AAMDC: variants seen among roughly 807,000 people sequenced by gnomAD.
The protein encoded by AAMDC is adipogenesis associated Mth938 domain containing, also known as mth938 domain-containing protein.
In AAMDC, 16 loss-of-function variants were observed where a neutral mutation model predicts 15.5. The observed-to-expected ratio is 1.03, with a 90% CI of 0.70 to 1.57. The LOEUF (loss-of-function observed/expected upper bound fraction) is 1.57. Among genes scored for constraint, AAMDC ranks in the 40% most tolerant of loss-of-function variants. AAMDC has a pLI of 0.00. For missense variants in AAMDC, 141 were observed against 144.9 expected (o/e 0.97, Z 0.14); for synonymous variants, 51 against 51.6 (o/e 0.99, Z 0.05).
chr11:77,884,860 T>C, intron 5 of AAMDC: 1 of 343,556 alleles, frequency 2.9e-6, no homozygotes, highest in Non-Finnish European at 6.2e-6. Context: ...GCGCAAGTGA[T>C]CTTCCTGCCT....
downstream of AAMDC, among the ~76,000 whole-genome samples, chr11:77,873,887 G>A (rs1951524431): frequency 6.6e-6 from 1 of 152,178 alleles, no homozygotes; most frequent in East Asian, 1.9e-4. Context: ...AAATAAAATC[G>A]CTCCACCCCA....
intron 5 of AAMDC, among the ~76,000 whole-genome samples, chr11:77,886,312 T>C (rs1025613166): frequency 2.0e-5 from 3 of 152,196 alleles, no homozygotes; most frequent in Non-Finnish European, 4.4e-5. Flanking sequence ...ATTTGTCTAC[T>C]CCAAAAGTGG....
chr11:77,898,058 C>T (rs544707330), intron 5 of AAMDC, among the ~76,000 whole-genome samples: 2 of 152,296 alleles, frequency 1.3e-5, no homozygotes, highest in African/African-American at 4.8e-5. Context: ...CTCAAGCGAT[C>T]CTCCTGCTTT....
At chr11:77,900,911 T>C (rs1383574055), downstream of AAMDC, 2 of 417,436 alleles carry the variant, frequency 4.8e-6, no homozygotes, top group Non-Finnish European at 8.5e-6. Context: ...ATGAGGTAGA[T>C]GCTGTCTTCA....
rs184518632 is a variant in AAMDC at position 77,825,389 on chromosome 11, G to C, written c.-19+4148G>C. Among the ~76,000 whole-genome samples the C allele has an allele frequency of 4.6e-5, 7 of 152,228 alleles. No individual in the cohort carries two copies. In the East Asian group the frequency reaches 1.4e-3, roughly 29 times the overall value. ...TTCCTAATCAAGGATGAGCAAATTA[G>C]GTTTATCTAAAACTCACTTTAAAAA... On this transcript the variant is annotated intron_variant, in intron 1 of 3. Coordinates refer to ENST00000393427, the MANE Select transcript of AAMDC (RefSeq NM_024684.4).
intron 5 of AAMDC, chr11:77,879,156 T>C (rs1302888326): frequency 6.2e-7 from 1 of 1,610,876 alleles, no homozygotes; most frequent in Non-Finnish European, 8.5e-7. Flanking sequence ...AAATCCTCTA[T>C]AACTAGGCAA....
chr11:77,869,306 C>CTCTTTT (rs1555014194), intron 2 of AAMDC: 36 of 120,438 alleles, frequency 3.0e-4, no homozygotes, highest in Non-Finnish European at 3.9e-4. Flanking sequence ...TTATTTATCT[C>CTCTTTT]TTTTTCTTTT....
At chr11:77,883,621 T>C (rs763643288) in intron 5 of AAMDC, among the ~76,000 whole-genome samples, 7 of 152,134 alleles carry the variant, frequency 4.6e-5, no homozygotes, top group Non-Finnish European at 7.3e-5. Flanking sequence ...CAGAATCTTA[T>C]CTCTCATGCA....
At chr11:77,845,267 G>T (rs1950095359) in intron 2 of AAMDC, among the ~76,000 whole-genome samples, 1 of 151,996 alleles carries the variant, frequency 6.6e-6, no homozygotes, top group South Asian at 2.1e-4. Flanking sequence ...AGGTCTCTGA[G>T]TCTATATTCT....
chr11:77,905,722 C>T (rs1952930882), downstream of AAMDC, among the ~76,000 whole-genome samples: 1 of 152,234 alleles, frequency 6.6e-6, no homozygotes, highest in Admixed American at 6.5e-5. Context: ...TTCCATCAAT[C>T]TCGTCAAAAG....
intron 2 of AAMDC, among the ~76,000 whole-genome samples, chr11:77,863,794 T>C (rs998838841): frequency 6.6e-6 from 1 of 151,794 alleles, no homozygotes. Context: ...AGATGACAGG[T>C]GTGAGCCTCT....
intron 5 of AAMDC, chr11:77,883,774 G>T: frequency 6.3e-7 from 1 of 1,584,846 alleles, no homozygotes; most frequent in East Asian, 2.3e-5. Flanking sequence ...AAACGCTTAA[G>T]GGTAGGTGTG....
rs1184727348 is a variant in AAMDC at position 77,872,156 on chromosome 11, C to T, written c.229-19C>T. The T allele has an allele frequency of 6.2e-7, 1 of 1,607,760 alleles. No homozygotes were observed. The highest frequency in any genetic ancestry group is 8.5e-7 in the Non-Finnish European group (1 of 1,177,392). ...GGGGCCTTTCCCCCTACTTACTCATCTCTTTTCCACCTTCCCAGGTGCCTT... is the reference window on the plus strand; with the variant it reads ...GGGGCCTTTCCCCCTACTTACTCATTTCTTTTCCACCTTCCCAGGTGCCTT... On this transcript the variant is annotated intron_variant, in intron 3 of 3. Coordinates refer to ENST00000393427, the MANE Select transcript of AAMDC (RefSeq NM_024684.4).
At chr11:77,867,682 T>G (rs1455142284) in intron 2 of AAMDC, among the ~76,000 whole-genome samples, 3 of 152,192 alleles carry the variant, frequency 2.0e-5, no homozygotes, top group Non-Finnish European at 4.4e-5. Flanking sequence ...TGGAGCCCAG[T>G]AGGTTGGGCT....
At chr11:77,873,691 GCA>G (rs927478398), downstream of AAMDC, among the ~76,000 whole-genome samples, 109 of 152,266 alleles carry the variant, frequency 7.2e-4, 1 homozygote, top group African/African-American at 2.4e-3. Flanking sequence ...TCCAGTGGTG[GCA>G]CAAAGAAAAG....
chr11:77,884,071 G>T, intron 5 of AAMDC: 1 of 1,023,696 alleles, frequency 9.8e-7, no homozygotes, highest in Non-Finnish European at 1.4e-6. Context: ...ACTTTACTAA[G>T]ATTGAGCCTT....
chr11:77,896,256 A>T (rs761647636), intron 5 of AAMDC, among the ~76,000 whole-genome samples: 4 of 152,242 alleles, frequency 2.6e-5, no homozygotes, highest in African/African-American at 9.6e-5. Context: ...AGAGAAGCAC[A>T]CTTGGAAATA....
rs192841805 is a variant in AAMDC, at chr11:77,889,472, A to G, written c.329-11099A>G. Among the ~76,000 whole-genome samples the G allele has an allele frequency of 4.3e-3, 661 of 152,226 alleles. 4 individuals are homozygous for G. Among genetic ancestry groups the G allele is most frequent in the African/African-American group, 0.015 (626 of 41,514 alleles). On this transcript the variant is annotated intron_variant, in intron 5 of 5. Transcript: ENST00000304716. ...GATGACGAGTTAATGGGTGCAGCAC[A>G]CCAGCATGGCACATGTATACAGATG...
chr11:77,860,494 T>C (rs186020528), intron 2 of AAMDC, among the ~76,000 whole-genome samples: 1 of 152,352 alleles, frequency 6.6e-6, no homozygotes, highest in African/African-American at 2.4e-5. Context: ...TTTGGAAACC[T>C]GGTAGCCACA....
Sources: allele counts gnomAD v4.1 joint callset (sites outside exome capture counted in the v4.1 genomes callset), GRCh38; gene constraint gnomAD v4.1.1; transcripts MANE v1.5; gene names NCBI Gene and HGNC (gene_info 2026-07-23, HGNC 2026-07-21).